Variants in KIAA1549L observed in about 807,000 individuals in gnomAD.
KIAA1549L encodes the protein UPF0606 protein KIAA1549L.
Under a neutral mutation model 160.7 loss-of-function variants are expected in KIAA1549L, and 88 were observed. The observed-to-expected ratio is 0.55, with a 90% CI of 0.46 to 0.65. The LOEUF (loss-of-function observed/expected upper bound fraction) is 0.65. Among genes scored for constraint, KIAA1549L ranks in the 30% least tolerant of loss-of-function variants. KIAA1549L has a pLI of 0.00. For synonymous variants in KIAA1549L, 950 were observed against 976.7 expected (o/e 0.97, Z 0.51); for missense variants, 2,258 against 2,437.5 (o/e 0.93, Z 1.55).
intron 10 of KIAA1549L, among the ~76,000 whole-genome samples, chr11:33,576,831 G>A (rs1590360623): frequency 6.6e-6 from 1 of 152,166 alleles, no homozygotes; most frequent in African/African-American, 2.4e-5. Context: ...GTTGGGATGG[G>A]AACAGGGGAG....
At chr11:33,549,008 A>G (rs1283854891) in intron 4 of KIAA1549L, among the ~76,000 whole-genome samples, 1 of 152,232 alleles carries the variant, frequency 6.6e-6, no homozygotes, top group Admixed American at 6.5e-5. Context: ...CTGCACCAGA[A>G]ACTTTATGGG....
intron 13 of KIAA1549L, among the ~76,000 whole-genome samples, chr11:33,602,256 A>G (rs1850384843): frequency 6.6e-6 from 1 of 152,166 alleles, no homozygotes; most frequent in Admixed American, 6.5e-5. Context: ...AGTTTAGAGG[A>G]TGAATTACTA....
At chr11:33,463,862 C>G (rs1012631726) in intron 1 of KIAA1549L, among the ~76,000 whole-genome samples, 2 of 152,216 alleles carry the variant, frequency 1.3e-5, no homozygotes, top group African/African-American at 4.8e-5. Context: ...TTGTTTTCCA[C>G]TTTGCCTTAG....
At chr11:33,533,786 A>G (rs1017423702) in intron 1 of KIAA1549L, among the ~76,000 whole-genome samples, 10 of 152,130 alleles carry the variant, frequency 6.6e-5, no homozygotes, top group Admixed American at 2.0e-4. Flanking sequence ...ACTTTTTATT[A>G]TTTTGAGAGT....
intron 16 of KIAA1549L, among the ~76,000 whole-genome samples, chr11:33,637,344 T>A (rs1189923644): frequency 6.6e-6 from 1 of 152,372 alleles, no homozygotes; most frequent in East Asian, 1.9e-4. Context: ...AAGTGCTTCC[T>A]AACCGGCCTC....
chr11:33,513,474 A>C (rs1853272030), intron 1 of KIAA1549L, among the ~76,000 whole-genome samples: 1 of 152,180 alleles, frequency 6.6e-6, no homozygotes, highest in Non-Finnish European at 1.5e-5. Context: ...GAGAACAACC[A>C]TTCAGTCCAG....
At chr11:33,491,342 G>A (rs1852657849) in intron 1 of KIAA1549L, among the ~76,000 whole-genome samples, 2 of 152,306 alleles carry the variant, frequency 1.3e-5, no homozygotes, top group African/African-American at 4.8e-5. Context: ...TGGCACTACA[G>A]TATGATGCAA....
chr11:33,648,326 G>C (rs1851785911), intron 17 of KIAA1549L, among the ~76,000 whole-genome samples: 1 of 151,970 alleles, frequency 6.6e-6, no homozygotes, highest in Non-Finnish European at 1.5e-5. Flanking sequence ...GCAGTCTTTT[G>C]TTATTAAGGT....
At chr11:33,645,432 C>A (rs1008820429) in intron 16 of KIAA1549L, among the ~76,000 whole-genome samples, 1 of 152,190 alleles carries the variant, frequency 6.6e-6, no homozygotes, top group Admixed American at 6.5e-5. Context: ...GTTACACTAA[C>A]AGGCAGAGCC....
Position 33,377,214 on chromosome 11 carries a change from A to G in KIAA1549L, c.238+325A>G, listed in dbSNP as rs182428359. Reference sequence around the variant, plus strand: ...TCATTAGAACACGTTTCAGGGTGGCAAAGTCCCTGGTATTTTGGGCTCTCT... The same window carrying G: ...TCATTAGAACACGTTTCAGGGTGGCGAAGTCCCTGGTATTTTGGGCTCTCT... On this transcript the variant is annotated intron_variant, in intron 1 of 20. Coordinates refer to ENST00000658780, the MANE Select transcript of KIAA1549L (RefSeq NM_012194.3). Among the ~76,000 whole-genome samples, 180 of 152,332 alleles carry G rather than the reference A, an allele frequency of 1.2e-3. 1 individual carries two copies. Among genetic ancestry groups the G allele is most frequent in the Non-Finnish European group, 1.8e-3 (124 of 68,024 alleles).
chr11:33,465,046 CT>C lies in KIAA1549L; in HGVS notation c.239-76729del, dbSNP rs1008261470. Among the ~76,000 whole-genome samples, 763 of 78,976 alleles carry C rather than the reference CT, an allele frequency of 9.7e-3. 1 individual carries two copies. The highest frequency in any genetic ancestry group is 0.013 in the Non-Finnish European group (503 of 40,210). The allele number at this position is 78,976 out of a possible 152,430, so 51.8% of individuals were successfully genotyped here. ...CATTCAACTCGCATGGGACCTTCTTCTTTTTTTTTTTTTTTTTTTTTTTTTT... is the reference window on the plus strand; with the variant it reads ...CATTCAACTCGCATGGGACCTTCTTCTTTTTTTTTTTTTTTTTTTTTTTTT... On this transcript the variant is annotated intron_variant, in intron 1 of 20. Coordinates refer to ENST00000658780, the MANE Select transcript of KIAA1549L (RefSeq NM_012194.3).
chr11:33,531,339 A>G (rs966498594), intron 1 of KIAA1549L, among the ~76,000 whole-genome samples: 1 of 152,040 alleles, frequency 6.6e-6, no homozygotes, highest in Non-Finnish European at 1.5e-5. Context: ...GCCAGCCATG[A>G]TGGCGGGTGC....
At chr11:33,403,400 C>CACACAT (rs1850573318) in intron 1 of KIAA1549L, 1 of 115,064 alleles carries the variant, frequency 8.7e-6, no homozygotes, top group African/African-American at 3.2e-5. Flanking sequence ...CACACATGGA[C>CACACAT]ATGGACACAC....
intron 1 of KIAA1549L, among the ~76,000 whole-genome samples, chr11:33,416,497 A>G (rs1850892409): frequency 1.3e-5 from 2 of 152,178 alleles, no homozygotes; most frequent in Non-Finnish European, 2.9e-5. Flanking sequence ...AAAATAATGC[A>G]AATTAGAAAA....
chr11:33,666,571 T>C (rs1251642300), intron 20 of KIAA1549L, among the ~76,000 whole-genome samples: 2 of 152,184 alleles, frequency 1.3e-5, no homozygotes, highest in African/African-American at 2.4e-5. Flanking sequence ...ATGGGGTATG[T>C]GGACTATCCT....
rs539886684 is a variant in KIAA1549L at position 33,618,148 on chromosome 11, CAGG to C, written c.5280-381_5280-379del. 5.3e-4 allele frequency among the ~76,000 whole-genome samples: 81 copies of C among 152,292 alleles called. No individual in the cohort carries two copies. In the East Asian group the frequency reaches 6.6e-3, roughly 12 times the overall value. On this transcript the variant is annotated intron_variant, in intron 15 of 20. Transcript: ENST00000658780. The stretch of plus-strand genomic sequence containing the variant: ...GTGAAACCAGAAAGAGTAAAAGGAA[CAGG>C]AGGTTGCTGAGTCAACAAAGTCAAC...
chr11:33,630,669 C>A (rs886470779), intron 16 of KIAA1549L, among the ~76,000 whole-genome samples: 1 of 152,206 alleles, frequency 6.6e-6, no homozygotes, highest in Non-Finnish European at 1.5e-5. Flanking sequence ...CAGTGACCTG[C>A]GCCCACTGTC....
intron 1 of KIAA1549L, among the ~76,000 whole-genome samples, chr11:33,531,897 G>C (rs567946034): frequency 6.6e-6 from 1 of 152,190 alleles, no homozygotes; most frequent in Non-Finnish European, 1.5e-5. Context: ...GCCGTGCTCA[G>C]TAATGTTTGC....
intron 11 of KIAA1549L, among the ~76,000 whole-genome samples, chr11:33,588,764 C>T (rs1359641401): frequency 6.6e-6 from 1 of 152,180 alleles, no homozygotes; most frequent in African/African-American, 2.4e-5. Context: ...AAACGCAGTT[C>T]CAGGTCCTGG....
Sources: gnomAD v4.1 joint callset for allele counts (sites outside exome capture counted in the v4.1 genomes callset) on GRCh38, gnomAD v4.1.1 for gene constraint, MANE v1.5 for transcripts, NCBI Gene and HGNC (gene_info 2026-07-23, HGNC 2026-07-21) for gene names.